Variants in LYPD4 observed in about 807,000 individuals in gnomAD.
LYPD4 encodes the protein ly6/PLAUR domain-containing protein 4.
A neutral mutation model predicts 18.2 loss-of-function variants in LYPD4; 20 were observed. The observed-to-expected ratio is 1.10, with a 90% CI of 0.77 to 1.59. The LOEUF (loss-of-function observed/expected upper bound fraction) is 1.59. Among genes scored for constraint, LYPD4 ranks in the 40% most tolerant of loss-of-function variants. LYPD4 has a pLI of 0.00. For missense variants in LYPD4, 278 were observed against 300.3 expected (o/e 0.93, Z 0.55); for synonymous variants, 111 against 118.3 (o/e 0.94, Z 0.40).
chr19:41,837,858 C>A, intron 4 of LYPD4, 77 bp downstream of exon 4: 1 of 1,401,312 alleles, frequency 7.1e-7, no homozygotes, highest in Middle Eastern at 1.8e-4. Context: ...TCCCACCAGC[C>A]TCTCTGAGAT....
chr19:41,836,601 T>C (rs1220642855), downstream of LYPD4, among the ~76,000 whole-genome samples: 1 of 151,960 alleles, frequency 6.6e-6, no homozygotes, highest in Non-Finnish European at 1.5e-5. Context: ...TCCCAGATAA[T>C]AATCACCCTG....
chr19:41,837,889 C>G, intron 4 of LYPD4, 46 bp downstream of exon 4: 1 of 1,533,862 alleles, frequency 6.5e-7, no homozygotes, highest in South Asian at 1.3e-5. Context: ...TGGACAATGC[C>G]TGGCAGAGAG....
chr19:41,835,942 C>T (rs962814822), downstream of LYPD4: 4 of 526,180 alleles, frequency 7.6e-6, no homozygotes, highest in Non-Finnish European at 9.7e-6. Flanking sequence ...ACAGAAAATG[C>T]CTAACCCACA....
intron 3 of LYPD4, 62 bp from the exon 4 acceptor site, chr19:41,838,323 CT>C: frequency 7.3e-7 from 1 of 1,374,742 alleles, no homozygotes; most frequent in Non-Finnish European, 9.6e-7. Context: ...AGAGTCCTCC[CT>C]CCCCCCAGCT....
intron 1 of LYPD4, among the ~76,000 whole-genome samples, chr19:41,843,051 A>C (rs2073677025): frequency 1.3e-4 from 6 of 47,806 alleles, no homozygotes; most frequent in East Asian, 4.7e-4. Flanking sequence ...AAAAAAAAAA[A>C]AAAAAAAAAA....
downstream of LYPD4, chr19:41,835,715 G>A (rs2073363379): frequency 2.2e-6 from 2 of 909,524 alleles, no homozygotes; most frequent in Non-Finnish European, 1.3e-6. Context: ...TGGTCATGGA[G>A]GTCACAGAGG....
downstream of LYPD4, chr19:41,837,047 C>A: frequency 6.4e-7 from 1 of 1,563,838 alleles, no homozygotes; most frequent in Non-Finnish European, 8.7e-7. Flanking sequence ...CTCACCCCTG[C>A]TCTCTCATGG....
At chr19:41,842,770 A>C (rs2073644319) in intron 1 of LYPD4, among the ~76,000 whole-genome samples, 1 of 52,080 alleles carries the variant, frequency 1.9e-5, no homozygotes, top group East Asian at 5.7e-4. Context: ...TAAACAAAAA[A>C]AAAAAAAAAA....
At chr19:41,836,516 G>T (rs1462198559), downstream of LYPD4, among the ~76,000 whole-genome samples, 2 of 151,842 alleles carry the variant, frequency 1.3e-5, no homozygotes, top group African/African-American at 4.8e-5. Context: ...AGGATTAAAT[G>T]ATATCCTGTA....
chr19:41,835,574 T>C (rs1161195497), downstream of LYPD4: 1 of 154,110 alleles, frequency 6.5e-6, no homozygotes, highest in Non-Finnish European at 1.4e-5. Context: ...AGCCCACTGA[T>C]AAAACTCATC....
intron 3 of LYPD4, 108 bp downstream of exon 3, chr19:41,838,773 G>T: frequency 1.3e-6 from 1 of 761,178 alleles, no homozygotes; most frequent in Non-Finnish European, 2.0e-6. Flanking sequence ...ATATATATAT[G>T]TATAGTAACT....
intron 1 of LYPD4, among the ~76,000 whole-genome samples, chr19:41,842,094 C>T (rs1282322135): frequency 6.6e-6 from 1 of 152,186 alleles, no homozygotes; most frequent in East Asian, 1.9e-4. Context: ...CTCTGTTGCC[C>T]AGGCTGGAGG....
chr19:41,838,959 A>G lies in LYPD4; in HGVS notation c.133T>C (p.Trp45Arg), dbSNP rs2073478510. The change falls in exon 3 of 5, where the codon TGG becomes CGG. Residue 45 changes from tryptophan to arginine, a missense_variant. Trp to Arg is a moderately radical substitution (Grantham distance 101). Coordinates refer to ENST00000609812, the MANE Select transcript of LYPD4 (RefSeq NM_173506.7). ...ATGTTCCTCATCAGAAGCCACTTCC[A>G]GTTATGGAAAGCAACAGCTCTGAAT... ...SRFRAVAFHNWKWLLMRNMVC... is the reference protein window; with the variant it reads ...SRFRAVAFHNRKWLLMRNMVC... The G allele has an allele frequency of 6.2e-7, 1 of 1,613,874 alleles. No individual in the cohort carries two copies. Among genetic ancestry groups the G allele is most frequent in the Admixed American group, 1.7e-5 (1 of 59,988 alleles).
Position 41,838,065 on chromosome 19 carries a change from T to C in LYPD4, c.408A>G (p.Thr136=), listed in dbSNP as rs2073429020. The C allele has an allele frequency of 1.9e-6, 3 of 1,613,998 alleles. No homozygotes were observed. In the African/African-American group the frequency reaches 4.0e-5, roughly 22 times the overall value. ...AGGTCGGGCAGCTACAGGACGCAGA[T>C]GTGATAGACTTAGGAGTGCTGGCCT... The part of the protein sequence containing the change: ...KLKASTPKSI[T]SASCSCPTCV... Residue 136 remains threonine, a synonymous_variant, in exon 4 of 5, where the codon ACA becomes ACG. Coordinates refer to ENST00000609812, the MANE Select transcript of LYPD4 (RefSeq NM_173506.7).
At chr19:41,840,433 T>C (rs1555833014) in intron 1 of LYPD4, among the ~76,000 whole-genome samples, 1 of 152,166 alleles carries the variant, frequency 6.6e-6, no homozygotes, top group Non-Finnish European at 1.5e-5. Context: ...ACTATGGTTA[T>C]ATAAGATGCC....
chr19:41,841,825 C>T (rs1555833599), intron 1 of LYPD4, among the ~76,000 whole-genome samples: 1 of 152,126 alleles, frequency 6.6e-6, no homozygotes. Context: ...CCCTTGGCCC[C>T]TGATGCTCAT....
chr19:41,835,395 C>G (rs1453752267), downstream of LYPD4: 2 of 152,234 alleles, frequency 1.3e-5, no homozygotes, highest in Non-Finnish European at 2.9e-5. Flanking sequence ...ACCTAGGACA[C>G]CATTTCCTTT....
At chr19:41,841,142 G>A (rs1555833285) in intron 1 of LYPD4, among the ~76,000 whole-genome samples, 8 of 152,136 alleles carry the variant, frequency 5.3e-5, no homozygotes, top group Non-Finnish European at 8.8e-5. Context: ...GATCAAGGGA[G>A]AAGATGCAGG....
Position 41,839,018 on chromosome 19 carries a change from C to T in LYPD4, c.74G>A (p.Gly25Glu). ...LGAISTLPRAGALLCYEATAS... is the reference protein window; with the variant it reads ...LGAISTLPRAEALLCYEATAS... ...TGTTGCTTCATAGCACAAAAGAGCT[C>T]CAGCCCCTAAAAAGAGAATGCTCTC... The change falls in exon 3 of 5, where the codon GGA becomes GAA. Residue 25 changes from glycine to glutamate, a missense_variant. Gly to Glu is a moderately conservative substitution (Grantham distance 98, BLOSUM62 -2). Coordinates refer to ENST00000609812, the MANE Select transcript of LYPD4 (RefSeq NM_173506.7). 1 of 1,613,422 alleles carries T rather than the reference C, an allele frequency of 6.2e-7. No individual in the cohort carries two copies. The highest frequency in any genetic ancestry group is 8.5e-7 in the Non-Finnish European group (1 of 1,179,928).
Sources: allele counts gnomAD v4.1 joint callset (sites outside exome capture counted in the v4.1 genomes callset), GRCh38; gene constraint gnomAD v4.1.1; transcripts MANE v1.5; gene names NCBI Gene and HGNC (gene_info 2026-07-23, HGNC 2026-07-21).